SEMA3D: variants seen among roughly 807,000 people sequenced by gnomAD.
SEMA3D encodes semaphorin 3D.
SEMA3D carries 84 observed loss-of-function variants against 100.1 expected under a neutral mutation model. The observed-to-expected ratio is 0.84, with a 90% CI of 0.70 to 1.01. The LOEUF is 1.01. SEMA3D is among the 50% of genes least tolerant of loss of function. The pLI is 0.00. For synonymous variants in SEMA3D, 312 were observed against 320.7 expected, an observed-to-expected ratio of 0.97 and a Z score of 0.29; for missense variants, 875 against 934.1, an observed-to-expected ratio of 0.94 and a Z score of 0.82.
At chr7:85,181,347 C>CACACACAA (rs67909775) in intron 1 of SEMA3D, among the ~76,000 whole-genome samples, 36,646 of 146,078 alleles carry the variant, frequency 0.25, 4,781 homozygotes, top group South Asian at 0.41. Flanking sequence ...CACACACACA[C>CACACACAA]ACACACACAC....
At chr7:85,110,569 T>A (rs956105427) in intron 3 of SEMA3D, among the ~76,000 whole-genome samples, 1 of 151,952 alleles carries the variant, frequency 6.6e-6, no homozygotes, top group Non-Finnish European at 1.5e-5. Context: ...CAACTGATAA[T>A]GAACAAGATG....
At chr7:85,112,474 T>C (rs1466771356) in intron 3 of SEMA3D, among the ~76,000 whole-genome samples, 1 of 152,218 alleles carries the variant, frequency 6.6e-6, no homozygotes, top group Non-Finnish European at 1.5e-5. Context: ...AAAGAACTAA[T>C]GGTAAAACCT....
At position 85,022,097 on chromosome 7, in the gene SEMA3D, T is replaced by C. The variant is rs113463884; in HGVS notation, c.1414+294A>G. Among the ~76,000 whole-genome samples, 586 of 151,992 alleles carry C rather than the reference T, an allele frequency of 3.9e-3. 2 individuals carry two copies. The highest frequency in any genetic ancestry group is 0.013 in the African/African-American group (560 of 41,520). ...AAAGGCAAAGTTTGAAAATAAACAT[T>C]ACTTTGCCCTACTTGTTTAATTGTA... On this transcript the variant is annotated intron_variant, in intron 13 of 18. Coordinates refer to ENST00000284136, the MANE Select transcript of SEMA3D (RefSeq NM_001384900.1).
At chr7:85,171,572 A>T (rs1464806529) in intron 1 of SEMA3D, among the ~76,000 whole-genome samples, 2 of 151,902 alleles carry the variant, frequency 1.3e-5, no homozygotes, top group African/African-American at 4.8e-5. Flanking sequence ...TTTTTTAGTG[A>T]CCTGGAACTA....
At chr7:85,068,305 A>G in intron 6 of SEMA3D, 21 bp from the exon 7 acceptor site, 1 of 1,267,118 alleles carries the variant, frequency 7.9e-7, no homozygotes, top group East Asian at 2.3e-5. Flanking sequence ...AAATATTAAC[A>G]CTAGTGAACT....
the SEMA3D span, among the ~76,000 whole-genome samples, chr7:85,207,366 T>A: frequency 2.0e-5 from 3 of 152,218 alleles, no homozygotes; most frequent in African/African-American, 7.2e-5. Flanking sequence ...TCAATAAATA[T>A]CTAAATACTG....
intron 8 of SEMA3D, among the ~76,000 whole-genome samples, chr7:85,061,040 G>T (rs1320616802): frequency 6.6e-6 from 1 of 152,104 alleles, no homozygotes; most frequent in Non-Finnish European, 1.5e-5. Flanking sequence ...ACCCTAGTTT[G>T]CATCTATATT....
At chr7:85,033,470 A>G (rs1016030080) in intron 12 of SEMA3D, among the ~76,000 whole-genome samples, 3 of 152,122 alleles carry the variant, frequency 2.0e-5, no homozygotes, top group Admixed American at 6.6e-5. Flanking sequence ...CTTGTAAAGC[A>G]TCTTAACTTA....
At chr7:85,011,071 T>C (rs1789938594) in intron 17 of SEMA3D, among the ~76,000 whole-genome samples, 1 of 151,764 alleles carries the variant, frequency 6.6e-6, no homozygotes, top group Non-Finnish European at 1.5e-5. Flanking sequence ...ATAACGTAAT[T>C]TGTAGCGCTT....
Position 85,171,587 on chromosome 7 carries a change from G to A in SEMA3D, c.-173+15091C>T, listed in dbSNP as rs372697136. ...TTTTTTAGTGACCTGGAACTACTCA[G>A]AAAACCCACTGTTTGATAGGCAGGT... is the stretch of plus-strand genomic sequence containing the variant. On this transcript the variant is annotated intron_variant, in intron 1 of 18. Transcript: ENST00000284136. Among the ~76,000 whole-genome samples, 7 of 151,832 alleles carry A rather than the reference G, an allele frequency of 4.6e-5. No homozygotes were observed. In the East Asian group the frequency reaches 5.8e-4, roughly 13 times the overall value.
At chr7:85,130,039 A>G (rs1428677009) in intron 2 of SEMA3D, among the ~76,000 whole-genome samples, 1 of 152,134 alleles carries the variant, frequency 6.6e-6, no homozygotes, top group Admixed American at 6.6e-5. Context: ...TCACTATTTA[A>G]TGAAACACCT....
At chr7:85,065,734 C>T (rs1791600582) in intron 7 of SEMA3D, among the ~76,000 whole-genome samples, 182 bp from the exon 8 acceptor site, 1 of 152,154 alleles carries the variant, frequency 6.6e-6, no homozygotes, top group African/African-American at 2.4e-5. Context: ...ACTCAATTTA[C>T]TTTGGTAAGC....
In SEMA3D at chr7:84,997,896, C is replaced by G. The variant is rs1789545832; in HGVS notation, c.*1544G>C. The G allele has an allele frequency of 6.6e-6, 1 of 152,140 alleles. No homozygotes were observed. The highest frequency in any genetic ancestry group is 2.1e-4 in the South Asian group (1 of 4,830). The allele number at this position is 152,140 out of a possible 1,614,324, so 9.4% of individuals were successfully genotyped here. A position where few individuals can be genotyped will look rare whatever the true frequency, so the allele number is the denominator to read the frequency against. On this transcript the variant is annotated 3_prime_UTR_variant, in exon 19 of 19. Coordinates refer to ENST00000284136, the MANE Select transcript of SEMA3D (RefSeq NM_001384900.1). Reference sequence around the variant, plus strand: ...GAAGGAAAGGTGAGTTCTGCTTAAACAGACAGGAAACACACCATGCATATT... The same window carrying G: ...GAAGGAAAGGTGAGTTCTGCTTAAAGAGACAGGAAACACACCATGCATATT...
At chr7:85,160,177 A>T (rs1790708594) in intron 1 of SEMA3D, 1 of 323,648 alleles carries the variant, frequency 3.1e-6, no homozygotes, top group Non-Finnish European at 4.4e-6. Flanking sequence ...AAGGTAAGGC[A>T]TTATATAAAT....
intron 1 of SEMA3D, among the ~76,000 whole-genome samples, chr7:85,158,835 A>G (rs769867465): frequency 1.3e-5 from 2 of 152,160 alleles, no homozygotes; most frequent in African/African-American, 2.4e-5. Flanking sequence ...ACTTAGGGAA[A>G]ATAGAAAAGA....
At chr7:85,077,533 T>A (rs1467142897) in intron 5 of SEMA3D, among the ~76,000 whole-genome samples, 1 of 152,208 alleles carries the variant, frequency 6.6e-6, no homozygotes, top group Middle Eastern at 3.4e-3. Context: ...CGCAGGGATA[T>A]GCTATTTAAA....
intron 2 of SEMA3D, among the ~76,000 whole-genome samples, chr7:85,123,629 A>T (rs1187238957): frequency 6.6e-6 from 1 of 152,100 alleles, no homozygotes; most frequent in East Asian, 1.9e-4. Context: ...ACATTTAAGG[A>T]TAGACTTCAA....
chr7:85,190,503 C>T (rs952475952), upstream of SEMA3D, among the ~76,000 whole-genome samples: 2 of 151,938 alleles, frequency 1.3e-5, no homozygotes, highest in African/African-American at 4.8e-5. Flanking sequence ...TCACCCAGCC[C>T]CTTATCTTCT....
At chr7:85,041,748 A>G (rs1204513354) in intron 10 of SEMA3D, 1 of 158,194 alleles carries the variant, frequency 6.3e-6, no homozygotes, top group African/African-American at 2.4e-5. Flanking sequence ...TTATTCTTTC[A>G]TTAACAAGTC....
Sources: allele counts gnomAD v4.1 joint callset (sites outside exome capture counted in the v4.1 genomes callset), GRCh38; gene constraint gnomAD v4.1.1; transcripts MANE v1.5; gene names NCBI Gene and HGNC (gene_info 2026-07-23, HGNC 2026-07-21).